The following CDH18 variants were observed in gnomAD, a reference collection of about 807,000 sequenced individuals.
CDH18 encodes the protein cadherin 18, also known as cadherin-18.
Under a neutral mutation model 67.9 loss-of-function variants are expected in CDH18, and 31 were observed. The ratio of observed to expected loss-of-function variants is 0.46; its 90% confidence interval spans 0.34 to 0.62. CDH18 has a LOEUF of 0.62. CDH18 is among the 20% of genes least tolerant of loss of function. The pLI is 0.01. For missense variants in CDH18, 890 were observed against 975.5 expected, an observed-to-expected ratio of 0.91 and a Z score of 1.17; for synonymous variants, 362 against 347.2, an observed-to-expected ratio of 1.04 and a Z score of -0.48.
intron 2 of CDH18, among the ~76,000 whole-genome samples, chr5:20,000,346 TTAGTA>T: frequency 6.6e-6 from 1 of 152,218 alleles, no homozygotes; most frequent in South Asian, 2.1e-4. Flanking sequence ...TGCCTTTAAC[TTAGTA>T]TAAGAATAAA....
intron 1 of CDH18, among the ~76,000 whole-genome samples, chr5:20,457,865 T>G (rs1750954365): frequency 6.6e-6 from 1 of 152,012 alleles, no homozygotes; most frequent in African/African-American, 2.4e-5. Flanking sequence ...CAGTGGGAAA[T>G]GGGAAGGGAA....
chr5:20,088,774 A>G (rs1417523283), intron 2 of CDH18, among the ~76,000 whole-genome samples: 1 of 152,100 alleles, frequency 6.6e-6, no homozygotes, highest in Non-Finnish European at 1.5e-5. Flanking sequence ...AAATAGAATT[A>G]CTCTAATTTT....
intron 1 of CDH18, among the ~76,000 whole-genome samples, chr5:20,528,827 A>G (rs181354597): frequency 1.1e-4 from 17 of 152,200 alleles, no homozygotes; most frequent in African/African-American, 2.9e-4. Flanking sequence ...CATCACAACT[A>G]AAAGAACTAG....
intron 2 of CDH18, among the ~76,000 whole-genome samples, chr5:19,892,071 G>A (rs1044845321): frequency 6.6e-6 from 1 of 152,038 alleles, no homozygotes; most frequent in Admixed American, 6.6e-5. Context: ...GTAGGTGTCA[G>A]GGATGATAAA....
intron 1 of CDH18, among the ~76,000 whole-genome samples, chr5:20,261,548 G>A (rs1744655387): frequency 6.6e-6 from 1 of 151,988 alleles, no homozygotes; most frequent in African/African-American, 2.4e-5. Context: ...GTACCATCCT[G>A]GCTAAAACGG....
intron 5 of CDH18, among the ~76,000 whole-genome samples, chr5:19,681,517 C>T (rs1157565782): frequency 1.3e-5 from 2 of 151,900 alleles, no homozygotes; most frequent in African/African-American, 4.8e-5. Context: ...CAAAAACAAC[C>T]TAAAGATTGG....
At chr5:20,280,913 G>A (rs1746209750) in intron 1 of CDH18, among the ~76,000 whole-genome samples, 1 of 152,202 alleles carries the variant, frequency 6.6e-6, no homozygotes, top group Non-Finnish European at 1.5e-5. Flanking sequence ...ACTGGTGTGA[G>A]ATGGTATCTC....
intron 1 of CDH18, among the ~76,000 whole-genome samples, chr5:20,534,474 A>G (rs1756598187): frequency 6.6e-6 from 1 of 152,104 alleles, no homozygotes; most frequent in South Asian, 2.1e-4. Flanking sequence ...CAAGAACAGA[A>G]TACAATTGTC....
chr5:19,673,050 T>C (rs946119990), intron 5 of CDH18, among the ~76,000 whole-genome samples: 2 of 152,060 alleles, frequency 1.3e-5, no homozygotes, highest in Admixed American at 1.3e-4. Flanking sequence ...AAAATATTTA[T>C]TTCATTTAAG....
At chr5:20,101,776 T>C (rs914681268) in intron 2 of CDH18, among the ~76,000 whole-genome samples, 4 of 152,094 alleles carry the variant, frequency 2.6e-5, no homozygotes, top group African/African-American at 9.7e-5. Context: ...AAGGCTGTGT[T>C]AGAAACAAAA....
chr5:20,364,551 T>A (rs1438896172), intron 1 of CDH18, among the ~76,000 whole-genome samples: 1 of 152,146 alleles, frequency 6.6e-6, no homozygotes, highest in Non-Finnish European at 1.5e-5. Context: ...GAATTTAAAT[T>A]AAATGCCTGA....
intron 8 of CDH18, among the ~76,000 whole-genome samples, chr5:19,559,841 C>G (rs1739113198): frequency 6.6e-6 from 1 of 150,560 alleles, no homozygotes; most frequent in African/African-American, 2.5e-5. Flanking sequence ...GTGCACAAAT[C>G]AGTAGCTCTG....
chr5:19,516,599 G>A (rs879396349), intron 10 of CDH18, among the ~76,000 whole-genome samples: 6 of 151,982 alleles, frequency 3.9e-5, no homozygotes, highest in African/African-American at 1.2e-4. Context: ...GTCCAGGACT[G>A]TATCCATTTC....
intron 5 of CDH18, among the ~76,000 whole-genome samples, chr5:19,716,368 T>C (rs1439527218): frequency 6.6e-6 from 1 of 152,000 alleles, no homozygotes; most frequent in African/African-American, 2.4e-5. Context: ...TCAGAAAAAA[T>C]ATTTATAATT....
At chr5:20,472,676 C>T (rs1175169821) in intron 1 of CDH18, among the ~76,000 whole-genome samples, 3 of 152,194 alleles carry the variant, frequency 2.0e-5, no homozygotes, top group Admixed American at 6.5e-5. Flanking sequence ...AACTGAAAGA[C>T]GGGCAGTGTA....
At chr5:20,540,606 G>C (rs914980799) in intron 1 of CDH18, among the ~76,000 whole-genome samples, 1 of 152,146 alleles carries the variant, frequency 6.6e-6, no homozygotes, top group Non-Finnish European at 1.5e-5. Flanking sequence ...AGAAACACCT[G>C]AAAGTGGGTT....
At chr5:20,298,435 T>C (rs183930508) in intron 1 of CDH18, among the ~76,000 whole-genome samples, 213 of 152,244 alleles carry the variant, frequency 1.4e-3, no homozygotes, top group African/African-American at 5.0e-3. Context: ...CAAGAGTTGA[T>C]TGATAATCCT....
chr5:19,607,851 C>A (rs1051365977), intron 6 of CDH18, among the ~76,000 whole-genome samples: 2 of 151,308 alleles, frequency 1.3e-5, no homozygotes, highest in African/African-American at 4.8e-5. Context: ...AAAAAAGAAA[C>A]CTCTGGAATA....
intron 5 of CDH18, among the ~76,000 whole-genome samples, chr5:19,718,366 A>G (rs2150564170): frequency 6.6e-6 from 1 of 152,130 alleles, no homozygotes; most frequent in Admixed American, 6.6e-5. Context: ...ATTAATATAC[A>G]CCATTATAAG....
Sources: gnomAD v4.1 joint callset for allele counts (sites outside exome capture counted in the v4.1 genomes callset) on GRCh38, gnomAD v4.1.1 for gene constraint, MANE v1.5 for transcripts, NCBI Gene and HGNC (gene_info 2026-07-23, HGNC 2026-07-21) for gene names.